PDE12: variants seen among roughly 807,000 people sequenced by gnomAD.
PDE12 encodes the protein phosphodiesterase 12.
Under a neutral mutation model 45.4 loss-of-function variants are expected in PDE12, and 26 were observed. The ratio of observed to expected loss-of-function variants is 0.57; its 90% confidence interval spans 0.42 to 0.79. The LOEUF (loss-of-function observed/expected upper bound fraction) is 0.79, where lower values mean the gene tolerates loss of function less well. Among genes scored for constraint, PDE12 ranks in the 30% least tolerant of loss-of-function variants. The pLI is 0.00. For missense variants in PDE12, 668 were observed against 790.0 expected (o/e 0.85, Z 1.85); for synonymous variants, 283 against 323.9 (o/e 0.87, Z 1.36).
chr3:57,591,084 A>G, the PDE12 span, among the ~76,000 whole-genome samples: 1 of 152,206 alleles, frequency 6.6e-6, no homozygotes, highest in Non-Finnish European at 1.5e-5. Flanking sequence ...TAAAAACCTG[A>G]GTCTTGCAGA....
At position 57,561,818 on chromosome 3, in the gene PDE12, A is replaced by C; in HGVS notation, c.*1814A>C. 2 of 985,074 alleles carry C rather than the reference A, an allele frequency of 2.0e-6. No individual in the cohort carries two copies. Among genetic ancestry groups the C allele is most frequent in the Non-Finnish European group, 2.4e-6 (2 of 829,618 alleles). The allele number at this position is 985,074 out of a possible 1,614,324, so 61.0% of individuals were successfully genotyped here. The stretch of plus-strand genomic sequence containing the variant: ...TCAAATGTATTGTTAACACTTAGTA[A>C]GTTTGAAAATGAAGGGGTTTTATCT... On this transcript the variant is annotated 3_prime_UTR_variant, in exon 3 of 3. Transcript: ENST00000311180.
the PDE12 span, among the ~76,000 whole-genome samples, chr3:57,637,285 G>T: frequency 2.0e-3 from 306 of 152,316 alleles, 4 homozygotes; most frequent in Middle Eastern, 0.031. Flanking sequence ...AAGACAGGTT[G>T]TTAGCTCTGT....
At chr3:57,654,537 T>C in the PDE12 span, 1 of 774,680 alleles carries the variant, frequency 1.3e-6, no homozygotes, top group Non-Finnish European at 1.6e-6. Context: ...CTGATGTGTC[T>C]CTCATTGTAC....
the PDE12 span, among the ~76,000 whole-genome samples, chr3:57,602,169 T>G: frequency 6.6e-6 from 1 of 152,158 alleles, no homozygotes; most frequent in Admixed American, 6.6e-5. Flanking sequence ...TTAATGTGCA[T>G]TATCCCATTT....
the PDE12 span, chr3:57,577,217 T>C: frequency 2.1e-6 from 2 of 959,120 alleles, no homozygotes; most frequent in Non-Finnish European, 3.3e-6. Flanking sequence ...CCCCAATCCA[T>C]TTGTGTAATC....
chr3:57,605,951 A>G, the PDE12 span, among the ~76,000 whole-genome samples: 1 of 152,330 alleles, frequency 6.6e-6, no homozygotes. Context: ...AAAATGAAAC[A>G]GAAAAGAGTC....
At chr3:57,614,562 T>C in the PDE12 span, among the ~76,000 whole-genome samples, 3 of 125,000 alleles carry the variant, frequency 2.4e-5, no homozygotes, top group African/African-American at 9.3e-5. Context: ...TTTTTTTTTT[T>C]GAGAGGAGTC....
chr3:57,640,281 CA>C, the PDE12 span, among the ~76,000 whole-genome samples: 3 of 118,994 alleles, frequency 2.5e-5, no homozygotes, highest in South Asian at 2.6e-4. Context: ...AAAAAAAAAA[CA>C]AAAAAAAACA....
the PDE12 span, among the ~76,000 whole-genome samples, chr3:57,647,692 C>T: frequency 6.6e-6 from 1 of 152,000 alleles, no homozygotes; most frequent in African/African-American, 2.4e-5. Context: ...TGGAGAAGTA[C>T]CCTGGAGTAG....
chr3:57,614,917 C>A, the PDE12 span, among the ~76,000 whole-genome samples: 2 of 150,618 alleles, frequency 1.3e-5, no homozygotes, highest in African/African-American at 4.9e-5. Context: ...CGCTTGAATC[C>A]GGGCGGCAGA....
At position 57,557,312 on chromosome 3, in the gene PDE12, G is replaced by C; in HGVS notation, c.933G>C (p.Glu311Asp). The C allele has an allele frequency of 6.2e-7, 1 of 1,613,964 alleles. No individual in the cohort carries two copies. Among genetic ancestry groups the C allele is most frequent in the Non-Finnish European group, 8.5e-7 (1 of 1,180,032 alleles). Residue 311 changes from glutamate (E) to aspartate (D), a missense_variant, in exon 1 of 3, where the codon GAG (glutamate) becomes GAC (aspartate). This residue lies in a region of PDE12 where 580 missense variants were observed against 662.9 expected (regional missense o/e 0.87). Coordinates refer to ENST00000311180, the MANE Select transcript of PDE12 (RefSeq NM_177966.7). Reference sequence around the variant, plus strand: ...TGGCAGACACGTACGCGCAGACTGAGTTCTCGCGAACGGTTCTGTACCCAT... The same window carrying C: ...TGGCAGACACGTACGCGCAGACTGACTTCTCGCGAACGGTTCTGTACCCAT... The part of the protein sequence containing the change: ...NILADTYAQT[E>D]FSRTVLYPYC...
the PDE12 span, chr3:57,597,029 C>G: frequency 6.3e-7 from 1 of 1,599,714 alleles, no homozygotes; most frequent in South Asian, 1.1e-5. Flanking sequence ...ATTGTGGAGA[C>G]CCTGCCTTTC....
downstream of PDE12, among the ~76,000 whole-genome samples, chr3:57,571,190 G>T (rs1238516916): frequency 1.3e-5 from 2 of 151,942 alleles, no homozygotes; most frequent in African/African-American, 4.8e-5. Flanking sequence ...TTTTAATAGT[G>T]TTCCCCATGC....
At chr3:57,575,057 TC>T in the PDE12 span, among the ~76,000 whole-genome samples, 1 of 151,674 alleles carries the variant, frequency 6.6e-6, no homozygotes, top group East Asian at 2.0e-4. Flanking sequence ...CCCTGGTTGG[TC>T]CGGCTGGTCT....
the PDE12 span, among the ~76,000 whole-genome samples, chr3:57,630,002 G>A: frequency 5.9e-5 from 9 of 152,104 alleles, no homozygotes; most frequent in Non-Finnish European, 8.8e-5. Flanking sequence ...CAATTTCTGT[G>A]GTGTAGTACT....
the PDE12 span, chr3:57,634,623 C>T: frequency 6.7e-7 from 1 of 1,487,914 alleles, no homozygotes; most frequent in Non-Finnish European, 9.0e-7. Flanking sequence ...GTATAAACTC[C>T]TAAGAGCAAA....
At chr3:57,618,605 G>GTTTTTTTTTTTT in the PDE12 span, among the ~76,000 whole-genome samples, 1 of 34,178 alleles carries the variant, frequency 2.9e-5, no homozygotes, top group Non-Finnish European at 7.3e-5. Flanking sequence ...GTTTGCTTTT[G>GTTTTTTTTTTTT]TGTTTTTTTT....
the PDE12 span, among the ~76,000 whole-genome samples, chr3:57,635,219 T>G: frequency 6.6e-6 from 1 of 152,144 alleles, no homozygotes; most frequent in African/African-American, 2.4e-5. Flanking sequence ...TTGTTTTGTT[T>G]TGTTTTGTTT....
chr3:57,633,227 A>G, the PDE12 span: 11 of 1,542,486 alleles, frequency 7.1e-6, no homozygotes, highest in East Asian at 2.5e-4. Flanking sequence ...CCCTTCACCA[A>G]ATCATTAAAT....
Sources: allele counts gnomAD v4.1 joint callset (sites outside exome capture counted in the v4.1 genomes callset), GRCh38; gene constraint gnomAD v4.1.1; regional missense constraint gnomAD v4.1.1; transcripts MANE v1.5; gene names NCBI Gene and HGNC (gene_info 2026-07-23, HGNC 2026-07-21).